Variants in FRY observed in about 807,000 individuals in gnomAD.
FRY encodes the protein FRY microtubule binding protein.
In FRY, 128 loss-of-function variants were observed where a neutral mutation model predicts 348.4. That is an observed-to-expected ratio of 0.37 (90% CI 0.32 to 0.43). The LOEUF is 0.43. Among genes scored for constraint, FRY ranks in the 20% least tolerant of loss-of-function variants. FRY has a pLI of 1.00. For synonymous variants in FRY, 1,370 were observed against 1,374.7 expected (o/e 1.00, Z 0.08); for missense variants, 2,736 against 3,695.2 (o/e 0.74, Z 6.73).
intron 1 of FRY, among the ~76,000 whole-genome samples, chr13:32,065,751 T>C (rs945530852): frequency 3.3e-5 from 5 of 152,072 alleles, no homozygotes; most frequent in Non-Finnish European, 2.9e-5. Flanking sequence ...AGATGTGTGC[T>C]ACCATGCTCA....
chr13:32,130,213 G>C (rs1879265547), intron 7 of FRY, among the ~76,000 whole-genome samples: 1 of 151,918 alleles, frequency 6.6e-6, no homozygotes, highest in South Asian at 2.1e-4. Flanking sequence ...GCTAATTTTT[G>C]TGTTTTTGGT....
At chr13:32,096,059 T>G (rs1445220129) in intron 2 of FRY, among the ~76,000 whole-genome samples, 1 of 151,992 alleles carries the variant, frequency 6.6e-6, no homozygotes, top group Non-Finnish European at 1.5e-5. Context: ...TCACTCATCC[T>G]TTCTTTCTTC....
chr13:32,273,098 G>A lies in FRY; in HGVS notation c.8137-1744G>A, dbSNP rs1001702816. Among the ~76,000 whole-genome samples, 75 of 152,136 alleles carry A rather than the reference G, an allele frequency of 4.9e-4. 1 individual carries two copies. The highest frequency in any genetic ancestry group is 1.8e-3 in the African/African-American group (74 of 41,504). On this transcript the variant is annotated intron_variant, in intron 55 of 60. Coordinates refer to ENST00000542859, the MANE Select transcript of FRY (RefSeq NM_023037.3). ...TTTTTTGTTTTTCCCCTCAGGTAGT[G>A]TAGGAGGAGCAGTAACCTTAGGAAG...
rs978916485 is a variant in FRY at position 32,115,117 on chromosome 13, T to A, written c.325-2217T>A. ...AACCATCATTATGGGAGAGACAGCA[T>A]GAAGTAGGCTATGAAGTGGTAGAAT... On this transcript the variant is annotated intron_variant, in intron 3 of 60. Transcript: ENST00000542859. 5.9e-5 allele frequency among the ~76,000 whole-genome samples: 9 copies of A among 152,346 alleles called. No homozygotes were observed. In the East Asian group the frequency reaches 1.7e-3, roughly 29 times the overall value.
chr13:32,220,815 T>C (rs1284461335), intron 36 of FRY, among the ~76,000 whole-genome samples: 1 of 152,246 alleles, frequency 6.6e-6, no homozygotes, highest in South Asian at 2.1e-4. Context: ...TCAAGTTTTA[T>C]TGAAGAGTAG....
chr13:32,233,911 A>C lies in FRY; in HGVS notation c.5528-663A>C, dbSNP rs1593778705. 3.9e-5 allele frequency among the ~76,000 whole-genome samples: 6 copies of C among 152,318 alleles called. 1 individual carries two copies. The highest frequency in any genetic ancestry group is 3.9e-4 in the Admixed American group (6 of 15,302). On this transcript the variant is annotated intron_variant, in intron 41 of 60. Transcript: ENST00000542859. ...CTTTCCCAGAGTTAGAAAGCCTCTGATTCAATACCAGGACCATCTTGTTCC... is the reference window on the plus strand; with the variant it reads ...CTTTCCCAGAGTTAGAAAGCCTCTGCTTCAATACCAGGACCATCTTGTTCC...
chr13:32,218,803 C>A lies in FRY; in HGVS notation c.4737C>A (p.Ser1579Arg). The change falls in exon 36 of 61, where the codon AGC (serine) becomes AGA (arginine). Residue 1579 changes from serine (S) to arginine (R), a missense_variant. By Grantham distance (110) the Ser-to-Arg change is moderately radical. Transcript: ENST00000542859. ...GCCTCGAGTCAAGATACAGCAATAG[C>A]TCTGGAGGATCCTACGATGAAGATA... ...HTRLESRYSN[S>R]SGGSYDEDKN... The A allele has an allele frequency of 6.2e-7, 1 of 1,603,338 alleles. No homozygotes were observed. The highest frequency in any genetic ancestry group is 8.5e-7 in the Non-Finnish European group (1 of 1,170,630).
chr13:32,254,170 G>A (rs1033815726), intron 50 of FRY, 54 bp from the exon 51 acceptor site: 2 of 1,582,526 alleles, frequency 1.3e-6, no homozygotes, highest in East Asian at 2.2e-5. Flanking sequence ...ATTTTTCGTA[G>A]CACAAACAAC....
intron 20 of FRY, among the ~76,000 whole-genome samples, chr13:32,177,593 C>T (rs1023319347): frequency 8.0e-5 from 7 of 87,002 alleles, no homozygotes; most frequent in Non-Finnish European, 1.5e-4. Flanking sequence ...GACTCTGTCT[C>T]GATAAATAAA....
At chr13:32,290,929 A>G (rs1352530233) in intron 59 of FRY, among the ~76,000 whole-genome samples, 1 of 152,156 alleles carries the variant, frequency 6.6e-6, no homozygotes, top group Non-Finnish European at 1.5e-5. Context: ...AAAAAGAAGG[A>G]CTGAGGCGAT....
chr13:32,127,801 C>T (rs551241899), intron 7 of FRY, among the ~76,000 whole-genome samples: 13 of 151,902 alleles, frequency 8.6e-5, no homozygotes, highest in Non-Finnish European at 1.5e-4. Context: ...AAAAGATAGA[C>T]GTATTTATTT....
At chr13:32,172,580 G>A (rs1318078507) in intron 18 of FRY, among the ~76,000 whole-genome samples, 1 of 152,146 alleles carries the variant, frequency 6.6e-6, no homozygotes, top group African/African-American at 2.4e-5. Flanking sequence ...CCAGGGTGGT[G>A]GGAACTTGGC....
chr13:32,184,738 C>A (rs571893522), intron 25 of FRY, 47 bp downstream of exon 25: 2 of 1,148,650 alleles, frequency 1.7e-6, no homozygotes, highest in South Asian at 1.2e-5. Flanking sequence ...CCAGACTGAT[C>A]TTTTTGTTTT....
chr13:32,178,889 C>T lies in FRY; in HGVS notation c.2727C>T (p.Asp909=), dbSNP rs1302071298. 6.2e-7 allele frequency: 1 copy of T among 1,613,570 alleles called. No individual in the cohort carries two copies. The highest frequency in any genetic ancestry group is 8.5e-7 in the Non-Finnish European group (1 of 1,179,634). The part of the protein sequence containing the change: ...AKKTSTAGSG[D]NYVTLWRNYL... ...AAACCAGCACTGCCGGCAGCGGAGA[C>T]AACTATGTTACTTTGTGGAGAAATT... Residue 909 remains aspartate, a synonymous_variant, in exon 22 of 61, where the codon GAC becomes GAT. Transcript: ENST00000542859.
intron 10 of FRY, 31 bp from the exon 11 acceptor site, chr13:32,136,840 G>C: frequency 8.9e-7 from 1 of 1,124,404 alleles, no homozygotes; most frequent in Non-Finnish European, 1.4e-6. Flanking sequence ...AAATATAAAT[G>C]ATCCTGTGAC....
At chr13:32,220,747 A>C (rs146994481) in intron 36 of FRY, among the ~76,000 whole-genome samples, 147 of 152,330 alleles carry the variant, frequency 9.7e-4, no homozygotes, top group African/African-American at 2.9e-3. Flanking sequence ...TCCCTTCCTA[A>C]CAGAAATCTC....
chr13:32,194,087 C>A (rs1224504155), intron 28 of FRY, 56 bp from the exon 29 acceptor site: 3 of 1,495,046 alleles, frequency 2.0e-6, no homozygotes. Flanking sequence ...CTGTATCTTT[C>A]TCTAGAACAT....
chr13:32,226,807 A>G (rs1295511888), intron 39 of FRY, among the ~76,000 whole-genome samples: 1 of 152,246 alleles, frequency 6.6e-6, no homozygotes, highest in African/African-American at 2.4e-5. Context: ...AGATGTTAAC[A>G]TAGTTGTTTG....
chr13:32,212,278 AT>A lies in FRY; in HGVS notation c.4592-12del. ...ATCTTTTTATAAGTGTTTTTCTTCCATTCCCATCTACAGGAACCACCTCTAG... is the reference window on the plus strand; with the variant it reads ...ATCTTTTTATAAGTGTTTTTCTTCCATCCCATCTACAGGAACCACCTCTAG... On this transcript the variant is annotated splice_polypyrimidine_tract_variant and intron_variant, in intron 34 of 60. Coordinates refer to ENST00000542859, the MANE Select transcript of FRY (RefSeq NM_023037.3). The A allele has an allele frequency of 6.5e-7, 1 of 1,533,812 alleles. No homozygotes were observed. The highest frequency in any genetic ancestry group is 9.0e-7 in the Non-Finnish European group (1 of 1,109,682).
Sources: gnomAD v4.1 joint callset for allele counts (sites outside exome capture counted in the v4.1 genomes callset) on GRCh38, gnomAD v4.1.1 for gene constraint, MANE v1.5 for transcripts, NCBI Gene and HGNC (gene_info 2026-07-23, HGNC 2026-07-21) for gene names.